Variants in IGSF3 observed in about 807,000 individuals in gnomAD.
IGSF3 encodes the protein immunoglobulin superfamily member 3.
A neutral mutation model predicts 114.4 loss-of-function variants in IGSF3; 23 were observed. The ratio of observed to expected loss-of-function variants is 0.20; its 90% CI spans 0.14 to 0.28. IGSF3 has a LOEUF of 0.28. IGSF3 is among the 10% of genes least tolerant of loss of function. The pLI is 1.00. For missense variants in IGSF3, 1,172 were observed against 1,591.5 expected, an observed-to-expected ratio of 0.74 and a Z score of 4.48; for synonymous variants, 571 against 645.2, an observed-to-expected ratio of 0.88 and a Z score of 1.74.
At chr1:116,641,495 CA>C (rs57930787) in intron 2 of IGSF3, among the ~76,000 whole-genome samples, 9,244 of 40,478 alleles carry the variant, frequency 0.23, 96 homozygotes, top group South Asian at 0.38. Context: ...GACTCTGTCT[CA>C]AAAAAAAAAA....
In IGSF3 at chr1:116,627,597, C is replaced by T. The variant is rs1007673981; in HGVS notation, c.44-11140G>A. 3.3e-5 allele frequency among the ~76,000 whole-genome samples: 5 copies of T among 152,146 alleles called. No individual in the cohort carries two copies. Among genetic ancestry groups the T allele is most frequent in the African/African-American group, 9.7e-5 (4 of 41,404 alleles). On this transcript the variant is annotated intron_variant, in intron 2 of 10. Transcript: ENST00000369486. The surrounding 1 kb of genome is among the most constrained non-coding windows in gnomAD (Gnocchi z 4.7). ...GCCCAGGGCCCTGCTGACAACAGGC[C>T]GGGAGCGCATCTGCAGGCAGCGTCA...
intron 2 of IGSF3, among the ~76,000 whole-genome samples, chr1:116,640,037 C>CAAAAAAAAAAAAAAAAA (rs34003833): frequency 1.7e-4 from 11 of 65,156 alleles, no homozygotes; most frequent in Non-Finnish European, 2.1e-4. Flanking sequence ...GACTCTATCT[C>CAAAAAAAAAAAAAAAAA]AAAAAAAAAA....
chr1:116,617,369 C>A (rs2336250), intron 2 of IGSF3: 14 of 985,372 alleles, frequency 1.4e-5, no homozygotes, highest in Non-Finnish European at 1.6e-5. Context: ...ACTCAGAAGG[C>A]GGGAGGGGGC....
chr1:116,618,237 A>C lies in IGSF3; in HGVS notation c.44-1780T>G, dbSNP rs1661290792. Among the ~76,000 whole-genome samples the C allele has an allele frequency of 6.6e-6, 1 of 152,246 alleles. No individual in the cohort carries two copies. Among genetic ancestry groups the C allele is most frequent in the South Asian group, 2.1e-4 (1 of 4,832 alleles). On this transcript the variant is annotated intron_variant, in intron 2 of 10. Transcript: ENST00000369486. The surrounding 1 kb of genome is among the most constrained non-coding windows in gnomAD (Gnocchi z 4.7). ...GAATCAGGAAAAATACAAAATTGGC[A>C]GGGGAAGGAAATAAACAGAACAAGT... is the stretch of plus-strand genomic sequence containing the variant.
chr1:116,657,581 C>T lies in IGSF3; in HGVS notation c.43+8703G>A, dbSNP rs1648915476. On this transcript the variant is annotated intron_variant, in intron 2 of 10. Coordinates refer to ENST00000369486, the MANE Select transcript of IGSF3 (RefSeq NM_001007237.3). The surrounding 1 kb of genome is among the most constrained non-coding windows in gnomAD (Gnocchi z 4.2). ...ATGTGGGAAAAAAGGTTTAATTACT[C>T]CCTAATGGTCTGGGAAACCAAAGAT... Among the ~76,000 whole-genome samples the T allele has an allele frequency of 6.6e-6, 1 of 152,136 alleles. No individual in the cohort carries two copies. Among genetic ancestry groups the T allele is most frequent in the South Asian group, 2.1e-4 (1 of 4,824 alleles).
In IGSF3 at chr1:116,651,610, C is replaced by T. The variant is rs1022056705; in HGVS notation, c.43+14674G>A. On this transcript the variant is annotated intron_variant, in intron 2 of 10. Coordinates refer to ENST00000369486, the MANE Select transcript of IGSF3 (RefSeq NM_001007237.3). This position sits in a 1 kb window ranked among gnomAD's most constrained non-coding sequence, Gnocchi z 4.4. ...TACAACATGCATTCAACATTCAATACATATTGACTGAGCAACTATTAGGTT... is the reference window on the plus strand; with the variant it reads ...TACAACATGCATTCAACATTCAATATATATTGACTGAGCAACTATTAGGTT... Among the ~76,000 whole-genome samples, 1 of 152,166 alleles carries T rather than the reference C, an allele frequency of 6.6e-6. No individual in the cohort carries two copies. Among genetic ancestry groups the T allele is most frequent in the Non-Finnish European group, 1.5e-5 (1 of 68,028 alleles).
Position 116,589,943 on chromosome 1 carries a change from C to A in IGSF3, c.2030-839G>T, listed in dbSNP as rs918754229. On this transcript the variant is annotated intron_variant, in intron 7 of 10. Coordinates refer to ENST00000369486, the MANE Select transcript of IGSF3 (RefSeq NM_001007237.3). The surrounding 1 kb of genome is among the most constrained non-coding windows in gnomAD (Gnocchi z 5.7). ...TTATCGCTGCACCCCCAGAGCCTAGCACAGCACCTGGGCCAGGAAAGCATT... is the reference window on the plus strand; with the variant it reads ...TTATCGCTGCACCCCCAGAGCCTAGAACAGCACCTGGGCCAGGAAAGCATT... 6.6e-5 allele frequency among the ~76,000 whole-genome samples: 10 copies of A among 152,154 alleles called. No homozygotes were observed. The highest frequency in any genetic ancestry group is 2.0e-4 in the Admixed American group (3 of 15,286).
At chr1:116,590,478 G>A (rs2101369256) in intron 7 of IGSF3, among the ~76,000 whole-genome samples, 1 of 152,254 alleles carries the variant, frequency 6.6e-6, no homozygotes, top group Non-Finnish European at 1.5e-5. Flanking sequence ...TCCGCCACAG[G>A]GACCAAACCA....
Position 116,579,465 on chromosome 1 carries a change from G to A in IGSF3, c.3261C>T (p.Pro1087=). The A allele has an allele frequency of 6.2e-7, 1 of 1,613,362 alleles. No individual in the cohort carries two copies. The highest frequency in any genetic ancestry group is 8.5e-7 in the Non-Finnish European group (1 of 1,179,658). Residue 1087 remains proline (P), a synonymous_variant, in exon 10 of 11, where the codon CCC becomes CCT. Transcript: ENST00000369486. The surrounding 1 kb of genome is among the most constrained non-coding windows in gnomAD (Gnocchi z 6.4). ...GCCGGTACCATTCCTTCTGAGGGCT[G>A]GGCAGCCACTCCTCCACATGGCAGG... is the stretch of plus-strand genomic sequence containing the variant. The part of the protein sequence containing the change: ...NYSCHVEEWL[P]SPQKEWYRLT...
In IGSF3 at chr1:116,616,159, A is replaced by G. The variant is rs748307860; in HGVS notation, c.342T>C (p.Asp114=). 1 of 1,613,932 alleles carries G rather than the reference A, an allele frequency of 6.2e-7. No homozygotes were observed. The highest frequency in any genetic ancestry group is 1.1e-5 in the South Asian group (1 of 91,082). The change falls in exon 3 of 11, where the codon GAT becomes GAC. Residue 114 remains aspartate, a synonymous_variant. Transcript: ENST00000369486. The surrounding 1 kb of genome is among the most constrained non-coding windows in gnomAD (Gnocchi z 6.6). The stretch of plus-strand genomic sequence containing the variant: ...GTGTGTGGCATTCATACTCCCCGGC[A>G]TCCCGGGCCTGAAGATCTGTGATGT... ...LLHITDLQAR[D]AGEYECHTPS...
At chr1:116,640,054 AAAAGAAAG>A (rs58997685) in intron 2 of IGSF3, among the ~76,000 whole-genome samples, 17 of 147,486 alleles carry the variant, frequency 1.2e-4, no homozygotes, top group African/African-American at 4.2e-4. Flanking sequence ...AAAAAAAAAA[AAAAGAAAG>A]AAAGAAAGAA....
rs1647714049 is a variant in IGSF3 at position 116,634,106 on chromosome 1, T to C, written c.44-17649A>G. Reference sequence around the variant, plus strand: ...TAACGGTGATGGTCTCTGGAAGAATTAGGTCAGAAGCAGACTTAATTTGCA... The same window carrying C: ...TAACGGTGATGGTCTCTGGAAGAATCAGGTCAGAAGCAGACTTAATTTGCA... On this transcript the variant is annotated intron_variant, in intron 2 of 10. Transcript: ENST00000369486. This position sits in a 1 kb window ranked among gnomAD's most constrained non-coding sequence, Gnocchi z 4.2. Among the ~76,000 whole-genome samples, 1 of 152,222 alleles carries C rather than the reference T, an allele frequency of 6.6e-6. No homozygotes were observed.
chr1:116,585,493 C>A lies in IGSF3; in HGVS notation c.2441-441G>T, dbSNP rs1040376212. On this transcript the variant is annotated intron_variant, in intron 8 of 10. Transcript: ENST00000369486. The surrounding 1 kb of genome is among the most constrained non-coding windows in gnomAD (Gnocchi z 4.9). ...TGGTGGCTAGAAAATGCTGGGCCACCAACTACAAAAGAACTGCAGGGGAAA... is the reference window on the plus strand; with the variant it reads ...TGGTGGCTAGAAAATGCTGGGCCACAAACTACAAAAGAACTGCAGGGGAAA... Among the ~76,000 whole-genome samples, 1 of 152,152 alleles carries A rather than the reference C, an allele frequency of 6.6e-6. No homozygotes were observed. The highest frequency in any genetic ancestry group is 1.5e-5 in the Non-Finnish European group (1 of 68,028).
rs1346176458 is a variant in IGSF3, at chr1:116,629,839, T to C, written c.44-13382A>G. Reference sequence around the variant, plus strand: ...GAGTTATTAAACTTTCCATTCCATGTTGATCCCTTCCAAGCCTTCTAACGC... The same window carrying C: ...GAGTTATTAAACTTTCCATTCCATGCTGATCCCTTCCAAGCCTTCTAACGC... On this transcript the variant is annotated intron_variant, in intron 2 of 10. Transcript: ENST00000369486. The surrounding 1 kb of genome is among the most constrained non-coding windows in gnomAD (Gnocchi z 4.3). 6.6e-6 allele frequency among the ~76,000 whole-genome samples: 1 copy of C among 152,246 alleles called. No individual in the cohort carries two copies. Among genetic ancestry groups the C allele is most frequent in the Non-Finnish European group, 1.5e-5 (1 of 68,044 alleles).
In IGSF3 at chr1:116,618,494, T is replaced by C. The variant is rs1661299173; in HGVS notation, c.44-2037A>G. ...TATATAGAGATCTAATATATGGCAC[T>C]TAATGTTGGCATGGCAGATCAAGTA... On this transcript the variant is annotated intron_variant, in intron 2 of 10. Transcript: ENST00000369486. This position sits in a 1 kb window ranked among gnomAD's most constrained non-coding sequence, Gnocchi z 4.7. Among the ~76,000 whole-genome samples the C allele has an allele frequency of 6.6e-6, 1 of 152,272 alleles. No individual in the cohort carries two copies. The highest frequency in any genetic ancestry group is 1.5e-5 in the Non-Finnish European group (1 of 68,054).
Position 116,606,522 on chromosome 1 carries a change from G to A in IGSF3, c.1222+1420C>T, listed in dbSNP as rs1660799541. 3.9e-6 allele frequency: 5 copies of A among 1,278,980 alleles called. No individual in the cohort carries two copies. In the South Asian group the frequency reaches 5.9e-5, roughly 15 times the overall value. The allele number at this position is 1,278,980 out of a possible 1,614,324, so 79.2% of individuals were successfully genotyped here. A position where few individuals can be genotyped will look rare whatever the true frequency, so the allele number is the denominator to read the frequency against. ...TGGCCTTGGGACAGGAGCTGGTGGT[G>A]CTGGGGGACTTTAACTACCCAGTTA... is the stretch of plus-strand genomic sequence containing the variant. On this transcript the variant is annotated intron_variant, in intron 5 of 10. Transcript: ENST00000369486.
rs1044121421 is a variant in IGSF3 at position 116,576,226 on chromosome 1, C to G, written c.*1086G>C. 5.2e-5 allele frequency: 8 copies of G among 152,818 alleles called. No individual in the cohort carries two copies. The highest frequency in any genetic ancestry group is 2.0e-4 in the Admixed American group (3 of 15,282). 9.5% of individuals were successfully genotyped at this position (152,818 alleles called of 1,614,324 possible). A position where few individuals can be genotyped will look rare whatever the true frequency, so the allele number is the denominator to read the frequency against. ...TCCCACCAAACTTAGTGTCAGCCAG[C>G]CCCGTGCCCTCCGTCAGGTGTCTGC... On this transcript the variant is annotated 3_prime_UTR_variant, in exon 11 of 11. Transcript: ENST00000369486. The surrounding 1 kb of genome is among the most constrained non-coding windows in gnomAD (Gnocchi z 4.6).
rs1163874575 is a variant in IGSF3 at position 116,595,084 on chromosome 1, A to C, written c.2029+4857T>G. Among the ~76,000 whole-genome samples, 1 of 152,150 alleles carries C rather than the reference A, an allele frequency of 6.6e-6. No individual in the cohort carries two copies. On this transcript the variant is annotated intron_variant, in intron 7 of 10. Coordinates refer to ENST00000369486, the MANE Select transcript of IGSF3 (RefSeq NM_001007237.3). This position sits in a 1 kb window ranked among gnomAD's most constrained non-coding sequence, Gnocchi z 4.2. ...CTGGCACTTAGTAGGTGCTCAATGC[A>C]TGCAGAGAGACAGGGAGGGAGGGGC...
rs1205882177 is a variant in IGSF3, at chr1:116,649,556, T to C, written c.43+16728A>G. Among the ~76,000 whole-genome samples the C allele has an allele frequency of 2.0e-5, 3 of 152,216 alleles. No individual in the cohort carries two copies. The highest frequency in any genetic ancestry group is 7.2e-5 in the African/African-American group (3 of 41,452). ...TCCATCTTCCTCCCCTAGATATCCA[T>C]CTTACCCTTCTTCACCAGTTAATTT... On this transcript the variant is annotated intron_variant, in intron 2 of 10. Coordinates refer to ENST00000369486, the MANE Select transcript of IGSF3 (RefSeq NM_001007237.3). This position sits in a 1 kb window ranked among gnomAD's most constrained non-coding sequence, Gnocchi z 4.5.
Sources: allele counts gnomAD v4.1 joint callset (sites outside exome capture counted in the v4.1 genomes callset), GRCh38; gene constraint gnomAD v4.1.1; non-coding constraint Gnocchi (gnomAD v3.1); transcripts MANE v1.5; gene names NCBI Gene and HGNC (gene_info 2026-07-23, HGNC 2026-07-21).